The following POC1A variants were observed in gnomAD, a reference collection of about 807,000 sequenced individuals.
POC1A encodes POC1 centriolar protein A, also known as POC1 centriolar protein homolog A.
A neutral mutation model predicts 47.8 loss-of-function variants in POC1A; 34 were observed. The observed-to-expected ratio is 0.71, with a 90% CI of 0.54 to 0.95. POC1A has a LOEUF of 0.95. Ranked by LOEUF, POC1A falls within the 40% of genes least tolerant of loss-of-function variation. POC1A has a pLI of 0.00. For missense variants in POC1A, 466 were observed against 528.3 expected (o/e 0.88, Z 1.16); for synonymous variants, 177 against 207.6 (o/e 0.85, Z 1.27).
intron 10 of POC1A, among the ~76,000 whole-genome samples, chr3:52,093,529 GGCGTT>G (rs754354501): frequency 6.6e-5 from 10 of 152,334 alleles, no homozygotes; most frequent in East Asian, 5.8e-4. Context: ...AGCAGTGCAC[GGCGTT>G]GTCAGGTACT....
At chr3:52,096,067 G>A (rs1175714370) in intron 10 of POC1A, among the ~76,000 whole-genome samples, 3 of 152,254 alleles carry the variant, frequency 2.0e-5, no homozygotes, top group African/African-American at 7.2e-5. Context: ...CCATGAATGT[G>A]GCAGGCAGAG....
At chr3:52,112,625 G>C (rs1450390836) in intron 9 of POC1A, among the ~76,000 whole-genome samples, 1 of 152,152 alleles carries the variant, frequency 6.6e-6, no homozygotes, top group Non-Finnish European at 1.5e-5. Flanking sequence ...CTGGGTGACA[G>C]AGCAAGACAC....
chr3:52,151,353 A>T (rs1412074823), intron 1 of POC1A, among the ~76,000 whole-genome samples: 2 of 152,256 alleles, frequency 1.3e-5, no homozygotes, highest in Admixed American at 1.3e-4. Flanking sequence ...CAAAGTTGCA[A>T]GATACAAAAT....
chr3:52,087,846 G>T (rs574047520), intron 10 of POC1A, among the ~76,000 whole-genome samples: 75 of 152,198 alleles, frequency 4.9e-4, no homozygotes, highest in Non-Finnish European at 9.6e-4. Flanking sequence ...GTGGGTTCAA[G>T]CACATCTCTG....
chr3:52,099,926 TCAA>T (rs750138294), intron 9 of POC1A, among the ~76,000 whole-genome samples: 10 of 152,288 alleles, frequency 6.6e-5, no homozygotes, highest in South Asian at 2.1e-4. Context: ...CTACACCAAT[TCAA>T]CAACATTTCA....
intron 7 of POC1A, among the ~76,000 whole-genome samples, chr3:52,135,218 A>G (rs1233134984): frequency 6.6e-6 from 1 of 151,954 alleles, no homozygotes; most frequent in Non-Finnish European, 1.5e-5. Flanking sequence ...ACGGATTTCT[A>G]CCCCCAGCTG....
At chr3:52,153,293 C>CT (rs1553749982) in intron 1 of POC1A, among the ~76,000 whole-genome samples, 1 of 152,226 alleles carries the variant, frequency 6.6e-6, no homozygotes, top group Non-Finnish European at 1.5e-5. Flanking sequence ...TCCCCCTACT[C>CT]TAAGTATCAG....
intron 9 of POC1A, among the ~76,000 whole-genome samples, chr3:52,121,706 T>C (rs1039908623): frequency 6.6e-6 from 1 of 152,234 alleles, no homozygotes; most frequent in East Asian, 1.9e-4. Context: ...CTAAAAAGCC[T>C]GTGGCCATAG....
intron 9 of POC1A, among the ~76,000 whole-genome samples, chr3:52,105,953 G>C (rs568443047): frequency 1.8e-4 from 28 of 152,256 alleles, no homozygotes; most frequent in African/African-American, 6.3e-4. Flanking sequence ...CCAGCACTTT[G>C]GGAGGCTGAG....
At chr3:52,120,006 G>C (rs113058846) in intron 9 of POC1A, among the ~76,000 whole-genome samples, 1 of 152,186 alleles carries the variant, frequency 6.6e-6, no homozygotes, top group African/African-American at 2.4e-5. Flanking sequence ...CATAGAACCA[G>C]TCCCCAGATA....
At chr3:52,154,227 G>C in intron 1 of POC1A, 128 bp downstream of exon 1, 1 of 987,680 alleles carries the variant, frequency 1.0e-6, no homozygotes, top group Non-Finnish European at 1.5e-6. Flanking sequence ...CAGTAAACTG[G>C]ACCTGAAGAG....
chr3:52,145,573 C>A (rs1179359377), intron 6 of POC1A, among the ~76,000 whole-genome samples: 1 of 152,184 alleles, frequency 6.6e-6, no homozygotes, highest in African/African-American at 2.4e-5. Context: ...CCCATCTGGC[C>A]CTGCAGTATG....
chr3:52,088,122 G>A (rs1473899856), intron 10 of POC1A, among the ~76,000 whole-genome samples: 1 of 152,166 alleles, frequency 6.6e-6, no homozygotes, highest in Non-Finnish European at 1.5e-5. Flanking sequence ...TCCTAAGCCA[G>A]ACATCTTGAT....
intron 7 of POC1A, among the ~76,000 whole-genome samples, chr3:52,135,219 C>A (rs930762004): frequency 6.6e-5 from 10 of 152,204 alleles, no homozygotes; most frequent in Non-Finnish European, 1.3e-4. Context: ...CGGATTTCTA[C>A]CCCCAGCTGG....
At chr3:52,078,088 G>A (rs1158799069) in intron 10 of POC1A, among the ~76,000 whole-genome samples, 3 of 152,138 alleles carry the variant, frequency 2.0e-5, no homozygotes, top group Admixed American at 2.0e-4. Flanking sequence ...AGACAAACAG[G>A]CTTTTATGAG....
intron 7 of POC1A, among the ~76,000 whole-genome samples, chr3:52,135,726 C>T (rs1704432205): frequency 6.6e-6 from 1 of 152,164 alleles, no homozygotes; most frequent in Admixed American, 6.5e-5. Flanking sequence ...CCCATACGTA[C>T]TCACACACTC....
intron 9 of POC1A, among the ~76,000 whole-genome samples, chr3:52,098,000 A>C (rs1315346551): frequency 6.6e-6 from 1 of 152,192 alleles, no homozygotes; most frequent in Non-Finnish European, 1.5e-5. Flanking sequence ...CCCCCAGACT[A>C]AGGCAGTTCT....
intron 9 of POC1A, among the ~76,000 whole-genome samples, chr3:52,105,647 A>G (rs1259667599): frequency 6.6e-6 from 1 of 152,244 alleles, no homozygotes; most frequent in Non-Finnish European, 1.5e-5. Context: ...TTGCCCTGTA[A>G]TTTAGGGTTC....
At chr3:52,119,015 T>C (rs914861646) in intron 9 of POC1A, among the ~76,000 whole-genome samples, 67 of 152,068 alleles carry the variant, frequency 4.4e-4, no homozygotes, top group African/African-American at 1.5e-3. Context: ...TTTTTTTTTT[T>C]TGGTTGTTTA....
Sources: allele counts gnomAD v4.1 joint callset (sites outside exome capture counted in the v4.1 genomes callset), GRCh38; gene constraint gnomAD v4.1.1; transcripts MANE v1.5; gene names NCBI Gene and HGNC (gene_info 2026-07-23, HGNC 2026-07-21).